TMEM132B: variants seen among roughly 807,000 people sequenced by gnomAD.
The protein encoded by TMEM132B is transmembrane protein 132B.
A neutral mutation model predicts 90.8 loss-of-function variants in TMEM132B; 18 were observed. The ratio of observed to expected loss-of-function variants is 0.20; its 90% confidence interval spans 0.14 to 0.29. TMEM132B has a LOEUF of 0.29. Ranked by LOEUF, TMEM132B falls within the 10% of genes least tolerant of loss-of-function variation. The pLI is 1.00. For missense variants in TMEM132B, 1,096 were observed against 1,326.8 expected (o/e 0.83, Z 2.70); for synonymous variants, 504 against 523.3 (o/e 0.96, Z 0.50).
chr12:125,321,809 A>C (rs1474722718), intron 1 of TMEM132B, among the ~76,000 whole-genome samples: 1 of 151,976 alleles, frequency 6.6e-6, no homozygotes, highest in Admixed American at 6.6e-5. Context: ...GTTAAGATAC[A>C]CCACCATATG....
At chr12:125,380,921 G>A (rs1413817057) in intron 2 of TMEM132B, among the ~76,000 whole-genome samples, 2 of 152,128 alleles carry the variant, frequency 1.3e-5, no homozygotes, top group Non-Finnish European at 2.9e-5. Context: ...AATCTCAGTT[G>A]GGCCTTCCAG....
intron 4 of TMEM132B, among the ~76,000 whole-genome samples, chr12:125,520,214 A>C (rs1287026127): frequency 1.3e-5 from 2 of 152,184 alleles, no homozygotes; most frequent in Non-Finnish European, 2.9e-5. Flanking sequence ...CTCAGGGGCT[A>C]CATCTGAGAT....
rs117460833 is a variant in TMEM132B at position 125,580,414 on chromosome 12, G to A, written c.1294-3437G>A. On this transcript the variant is annotated intron_variant, in intron 4 of 8. Transcript: ENST00000682704. ...AAGCCAAATACCGACAACCTTGCAA[G>A]TGGGTTTTTTCAGGGAACCATTAGA... is the stretch of plus-strand genomic sequence containing the variant. 2.7e-4 allele frequency among the ~76,000 whole-genome samples: 41 copies of A among 152,306 alleles called. No homozygotes were observed. In the East Asian group the frequency reaches 7.0e-3, roughly 26 times the overall value.
In TMEM132B at chr12:125,573,237, A is replaced by G. The variant is rs151025915; in HGVS notation, c.1294-10614A>G. Among the ~76,000 whole-genome samples the G allele has an allele frequency of 1.1e-4, 16 of 152,300 alleles. 1 individual carries two copies. The East Asian group carries it at 2.9e-3, about 28-fold the overall frequency. On this transcript the variant is annotated intron_variant, in intron 4 of 8. Coordinates refer to ENST00000682704, the MANE Select transcript of TMEM132B (RefSeq NM_001366854.1). ...GAAAAAACTATATACATGTGTACAT[A>G]TATACACACCTACGTTATACATAGG...
At chr12:125,355,614 G>C (rs562391583) in intron 2 of TMEM132B, among the ~76,000 whole-genome samples, 1 of 152,236 alleles carries the variant, frequency 6.6e-6, no homozygotes, top group South Asian at 2.1e-4. Flanking sequence ...TCAGTCTCTC[G>C]AAATAAGATA....
chr12:125,489,129 A>AT (rs1882285952), intron 3 of TMEM132B, among the ~76,000 whole-genome samples: 1 of 152,194 alleles, frequency 6.6e-6, no homozygotes, highest in East Asian at 1.9e-4. Context: ...GATCTCTTTA[A>AT]TTTTCTCTGG....
Position 125,349,927 on chromosome 12 carries a change from G to A in TMEM132B, c.543G>A (p.Leu181=), listed in dbSNP as rs191649685. 5.6e-6 allele frequency: 9 copies of A among 1,614,222 alleles called. No individual in the cohort carries two copies. The highest frequency in any genetic ancestry group is 2.2e-5 in the South Asian group (2 of 91,090). ...EAREVAASCR[L]QGAPGLCVAE... ...GGGAAGTGGCAGCCAGCTGTCGGCT[G>A]CAAGGGGCCCCAGGGCTGTGTGTGG... Residue 181 remains leucine (L), a synonymous_variant, in exon 2 of 9, where the codon CTG becomes CTA. Coordinates refer to ENST00000682704, the MANE Select transcript of TMEM132B (RefSeq NM_001366854.1). This position sits in a 1 kb window ranked among gnomAD's most constrained non-coding sequence, Gnocchi z 4.1.
At position 125,186,956 on chromosome 12, in the gene TMEM132B, A is replaced by C. The variant is rs1392697021; in HGVS notation, c.67+90A>C. 1 of 152,144 alleles carries C rather than the reference A, an allele frequency of 6.6e-6. No individual in the cohort carries two copies. Among genetic ancestry groups the C allele is most frequent in the Non-Finnish European group, 1.5e-5 (1 of 68,054 alleles). 9.4% of individuals were successfully genotyped at this position (152,144 alleles called of 1,614,324 possible). The stretch of plus-strand genomic sequence containing the variant: ...GCTACCTCCTTCTCAAGTCCCTGGC[A>C]GCGCGCATCTCCCGGACTTGGACAG... On this transcript the variant is annotated intron_variant, in intron 1 of 8. Transcript: ENST00000682704. The surrounding 1 kb of genome is among the most constrained non-coding windows in gnomAD (Gnocchi z 6.3).
intron 1 of TMEM132B, among the ~76,000 whole-genome samples, chr12:125,208,677 T>C (rs1337314643): frequency 6.6e-6 from 1 of 152,196 alleles, no homozygotes; most frequent in African/African-American, 2.4e-5. Context: ...GGGATTGGGA[T>C]TTGATCTAAG....
intron 2 of TMEM132B, among the ~76,000 whole-genome samples, chr12:125,367,089 A>T (rs1023182831): frequency 6.6e-6 from 1 of 152,142 alleles, no homozygotes; most frequent in Non-Finnish European, 1.5e-5. Flanking sequence ...TTTCTTTTAC[A>T]TCACTGATGA....
At position 125,401,077 on chromosome 12, in the gene TMEM132B, C is replaced by T. The variant is rs140161573; in HGVS notation, c.960-14454C>T. 3.0e-3 allele frequency among the ~76,000 whole-genome samples: 458 copies of T among 152,266 alleles called. 2 individuals carry two copies. The highest frequency in any genetic ancestry group is 0.01 in the African/African-American group (431 of 41,554). On this transcript the variant is annotated intron_variant, in intron 2 of 8. Transcript: ENST00000682704. ...GCTTGAAAGTTTGAGAGCCTCTGGT[C>T]CACAGGGTTCTGATGCCTTCACCCC...
chr12:125,478,243 A>G (rs1416676305), intron 3 of TMEM132B, among the ~76,000 whole-genome samples: 1 of 152,228 alleles, frequency 6.6e-6, no homozygotes, highest in Non-Finnish European at 1.5e-5. Context: ...CCAGCAATGG[A>G]ACAAAGCAGG....
intron 4 of TMEM132B, among the ~76,000 whole-genome samples, chr12:125,579,797 G>A (rs1593003554): frequency 1.3e-5 from 2 of 152,212 alleles, no homozygotes; most frequent in South Asian, 2.1e-4. Flanking sequence ...TTGCTTGATT[G>A]CTTTTTGTCC....
rs141040830 is a variant in TMEM132B at position 125,659,418 on chromosome 12, T to C, written c.*4708T>C. ...TGCTCGTCAATGGCTTGGTCTTGTA[T>C]ATGTATCTGGGGCAGGGGCTTTGTA... On this transcript the variant is annotated 3_prime_UTR_variant, in exon 9 of 9. Coordinates refer to ENST00000682704, the MANE Select transcript of TMEM132B (RefSeq NM_001366854.1). The C allele has an allele frequency of 3.3e-4, 50 of 152,480 alleles. 1 individual carries two copies. The highest frequency in any genetic ancestry group is 1.2e-3 in the African/African-American group (49 of 41,558). 9.4% of individuals were successfully genotyped at this position (152,480 alleles called of 1,614,324 possible). A position where few individuals can be genotyped will look rare whatever the true frequency, so the allele number is the denominator to read the frequency against.
Position 125,650,758 on chromosome 12 carries a change from C to T in TMEM132B, c.1719C>T (p.Ala573=), listed in dbSNP as rs768634729. 6.2e-6 allele frequency: 10 copies of T among 1,614,202 alleles called. No homozygotes were observed. Among genetic ancestry groups the T allele is most frequent in the Non-Finnish European group, 8.5e-6 (10 of 1,180,034 alleles). The part of the protein sequence containing the change: ...GRGCSLQYQH[A]TVRVLTQFVA... ...GCTGCTCCCTGCAGTACCAGCACGC[C>T]ACAGTGCGTGTCCTCACCCAGTTTG... Residue 573 remains alanine, a synonymous_variant, in exon 7 of 9, where the codon GCC becomes GCT. Transcript: ENST00000682704.
intron 3 of TMEM132B, among the ~76,000 whole-genome samples, chr12:125,486,103 T>C (rs1882194315): frequency 6.6e-6 from 1 of 152,162 alleles, no homozygotes; most frequent in African/African-American, 2.4e-5. Flanking sequence ...ATATCACTTA[T>C]GGCTTCATTA....
intron 4 of TMEM132B, among the ~76,000 whole-genome samples, chr12:125,571,776 T>G (rs907287260): frequency 1.3e-5 from 2 of 152,250 alleles, no homozygotes; most frequent in Non-Finnish European, 2.9e-5. Context: ...ATCCTTTTTC[T>G]GTAAATAGGT....
At chr12:125,567,711 G>T (rs924001686) in intron 4 of TMEM132B, among the ~76,000 whole-genome samples, 1 of 152,188 alleles carries the variant, frequency 6.6e-6, no homozygotes, top group Non-Finnish European at 1.5e-5. Context: ...CTGAACAGGT[G>T]CCATTTGCTT....
chr12:125,333,616 A>G (rs1316107633), intron 1 of TMEM132B, among the ~76,000 whole-genome samples: 1 of 152,100 alleles, frequency 6.6e-6, no homozygotes, highest in African/African-American at 2.4e-5. Flanking sequence ...GCGACAGGGA[A>G]TGGTGGGGAC....
Sources: gnomAD v4.1 joint callset for allele counts (sites outside exome capture counted in the v4.1 genomes callset) on GRCh38, gnomAD v4.1.1 for gene constraint, Gnocchi (gnomAD v3.1) non-coding constraint, MANE v1.5 for transcripts, NCBI Gene and HGNC (gene_info 2026-07-23, HGNC 2026-07-21) for gene names.